The following ROBO1 variants were observed in gnomAD, a reference collection of about 807,000 sequenced individuals.
ROBO1 encodes roundabout guidance receptor 1.
A neutral mutation model predicts 195.9 loss-of-function variants in ROBO1; 149 were observed. That is an observed-to-expected ratio of 0.76 (90% CI 0.67 to 0.87). The LOEUF (loss-of-function observed/expected upper bound fraction) is 0.87. ROBO1 is among the 40% of genes least tolerant of loss of function. The pLI is 0.00. For synonymous variants in ROBO1, 816 were observed against 733.2 expected (o/e 1.11, Z -1.82); for missense variants, 1,933 against 2,068.3 (o/e 0.93, Z 1.27).
At chr3:79,444,009 C>G (rs2039149100) in intron 2 of ROBO1, among the ~76,000 whole-genome samples, 1 of 151,654 alleles carries the variant, frequency 6.6e-6, no homozygotes, top group Non-Finnish European at 1.5e-5. Flanking sequence ...TAAATTTATA[C>G]CAGTCACAAA....
At chr3:78,712,544 C>T (rs555246246) in intron 8 of ROBO1, among the ~76,000 whole-genome samples, 2 of 152,172 alleles carry the variant, frequency 1.3e-5, no homozygotes, top group African/African-American at 2.4e-5. Flanking sequence ...ATTATTCCAG[C>T]ATGTTAAAGA....
chr3:78,924,564 T>G (rs1440613585), intron 4 of ROBO1, among the ~76,000 whole-genome samples: 4 of 152,104 alleles, frequency 2.6e-5, no homozygotes, highest in African/African-American at 9.7e-5. Context: ...TGTAACTGCA[T>G]CTGTAACAGG....
At chr3:78,967,621 T>C (rs9858480) in intron 3 of ROBO1, among the ~76,000 whole-genome samples, 12,777 of 152,188 alleles carry the variant, frequency 0.084, 627 homozygotes, top group African/African-American at 0.13. Context: ...CAAGCAATCA[T>C]GACCCTCCTT....
chr3:78,694,077 C>A (rs955109089), intron 8 of ROBO1, among the ~76,000 whole-genome samples: 13 of 152,116 alleles, frequency 8.5e-5, no homozygotes, highest in African/African-American at 2.7e-4. Flanking sequence ...GAATAAATTA[C>A]AAGAACTAAG....
At chr3:79,378,511 C>G (rs1185148293) in intron 2 of ROBO1, among the ~76,000 whole-genome samples, 2 of 152,244 alleles carry the variant, frequency 1.3e-5, no homozygotes, top group Non-Finnish European at 2.9e-5. Flanking sequence ...TCCATGACTG[C>G]TTCATATAGA....
At chr3:79,086,014 T>G (rs762508506) in intron 3 of ROBO1, among the ~76,000 whole-genome samples, 4 of 152,128 alleles carry the variant, frequency 2.6e-5, no homozygotes, top group Admixed American at 6.6e-5. Context: ...AAGAGCCTAT[T>G]AACGGCCAGC....
chr3:79,523,279 A>G (rs1379422565), intron 2 of ROBO1, among the ~76,000 whole-genome samples: 3 of 152,088 alleles, frequency 2.0e-5, no homozygotes, highest in South Asian at 4.2e-4. Flanking sequence ...TAAGATATCT[A>G]TGTGAGGTAA....
At chr3:79,325,391 A>G (rs2034160196) in intron 2 of ROBO1, among the ~76,000 whole-genome samples, 1 of 152,236 alleles carries the variant, frequency 6.6e-6, no homozygotes, top group South Asian at 2.1e-4. Context: ...TGAGGAAAGT[A>G]TGATGAACCA....
intron 4 of ROBO1, among the ~76,000 whole-genome samples, chr3:78,927,216 T>G (rs558079475): frequency 7.2e-5 from 11 of 152,230 alleles, no homozygotes; most frequent in African/African-American, 2.6e-4. Context: ...ATTATATTCT[T>G]CAATATAGGA....
At chr3:79,497,040 T>C (rs1939785173) in intron 2 of ROBO1, among the ~76,000 whole-genome samples, 1 of 152,202 alleles carries the variant, frequency 6.6e-6, no homozygotes, top group South Asian at 2.1e-4. Flanking sequence ...CATATTTAGA[T>C]TTTTTTAAAG....
In ROBO1 at chr3:79,550,187, GAAA is replaced by G. The variant is rs368123005; in HGVS notation, c.88+39634_88+39636del. On this transcript the variant is annotated intron_variant, in intron 2 of 30. Transcript: ENST00000464233. ...AGAAAGGAAGAAAGAAAGAAAGAAA[GAAA>G]GAAAGGAAAAGAAAAGAAAAGAAAA... 8.2e-4 allele frequency among the ~76,000 whole-genome samples: 65 copies of G among 79,512 alleles called. 4 individuals carry two copies. The highest frequency in any genetic ancestry group is 5.0e-3 in the African/African-American group (58 of 11,714). 52.2% of individuals were successfully genotyped at this position (79,512 alleles called of 152,430 possible).
chr3:79,320,711 A>G (rs1055367033), intron 2 of ROBO1, among the ~76,000 whole-genome samples: 1 of 152,234 alleles, frequency 6.6e-6, no homozygotes, highest in Non-Finnish European at 1.5e-5. Flanking sequence ...TATTGATTAT[A>G]TTTTAAACAG....
intron 4 of ROBO1, among the ~76,000 whole-genome samples, chr3:78,855,186 C>A (rs995579158): frequency 7.9e-5 from 12 of 151,896 alleles, no homozygotes; most frequent in Admixed American, 6.6e-5. Context: ...GTACCTTGAT[C>A]ACTTACGCTG....
At chr3:79,680,969 G>A (rs371523355) in intron 1 of ROBO1, among the ~76,000 whole-genome samples, 2 of 151,844 alleles carry the variant, frequency 1.3e-5, no homozygotes, top group African/African-American at 2.4e-5. Context: ...GATAATGACT[G>A]GAACATAGTG....
intron 4 of ROBO1, among the ~76,000 whole-genome samples, chr3:78,748,171 T>C (rs142462812): frequency 6.6e-6 from 1 of 152,178 alleles, no homozygotes; most frequent in East Asian, 1.9e-4. Flanking sequence ...TTGGGCTGGG[T>C]GTGGTGGCTT....
At chr3:79,356,263 C>G (rs1054044600) in intron 2 of ROBO1, among the ~76,000 whole-genome samples, 18 of 152,300 alleles carry the variant, frequency 1.2e-4, no homozygotes, top group African/African-American at 4.3e-4. Context: ...ATCATCCAAA[C>G]CTGGGAGGTG....
intron 2 of ROBO1, among the ~76,000 whole-genome samples, chr3:79,201,459 A>G (rs1229360542): frequency 6.6e-6 from 1 of 152,012 alleles, no homozygotes; most frequent in African/African-American, 2.4e-5. Flanking sequence ...AGTCCTCACA[A>G]CAATTCTATG....
chr3:78,636,151 G>T, intron 22 of ROBO1, 43 bp from the exon 23 acceptor site: 1 of 1,398,656 alleles, frequency 7.1e-7, no homozygotes, highest in Non-Finnish European at 9.8e-7. Context: ...ATTCTGCGTG[G>T]TTATTCCTTT....
chr3:78,888,296 C>T (rs1020354667), intron 4 of ROBO1, among the ~76,000 whole-genome samples: 2 of 152,102 alleles, frequency 1.3e-5, no homozygotes, highest in African/African-American at 4.8e-5. Context: ...TAATGTAAAC[C>T]ATTTACTACT....
Sources: allele counts gnomAD v4.1 joint callset (sites outside exome capture counted in the v4.1 genomes callset), GRCh38; gene constraint gnomAD v4.1.1; transcripts MANE v1.5; gene names NCBI Gene and HGNC (gene_info 2026-07-23, HGNC 2026-07-21).